Variants in TBC1D19 observed in about 807,000 individuals in gnomAD.
TBC1D19 encodes the protein TBC1 domain family member 19.
A neutral mutation model predicts 89.0 loss-of-function variants in TBC1D19; 60 were observed. The ratio of observed to expected loss-of-function variants is 0.67; its 90% confidence interval spans 0.55 to 0.84. The LOEUF is 0.84. Among genes scored for constraint, TBC1D19 ranks in the 40% least tolerant of loss-of-function variants. The pLI is 0.00. For synonymous variants in TBC1D19, 189 were observed against 199.7 expected, an observed-to-expected ratio of 0.95 and a Z score of 0.45; for missense variants, 500 against 610.8, an observed-to-expected ratio of 0.82 and a Z score of 1.91.
In TBC1D19 at chr4:26,659,252, A is replaced by T. The variant is rs546078562; in HGVS notation, c.481-345A>T. On this transcript the variant is annotated intron_variant, in intron 7 of 20. Coordinates refer to ENST00000264866, the MANE Select transcript of TBC1D19 (RefSeq NM_018317.4). Reference sequence around the variant, plus strand: ...CTGATAAATATTACAATCAAGCAAGATTTTTTTCTTATCACCTTCTCTGGT... The same window carrying T: ...CTGATAAATATTACAATCAAGCAAGTTTTTTTTCTTATCACCTTCTCTGGT... 2.0e-5 allele frequency among the ~76,000 whole-genome samples: 3 copies of T among 152,152 alleles called. No individual in the cohort carries two copies. In the South Asian group the frequency reaches 6.2e-4, roughly 32 times the overall value.
chr4:26,833,953 A>T, the TBC1D19 span, among the ~76,000 whole-genome samples: 22 of 152,326 alleles, frequency 1.4e-4, no homozygotes, highest in East Asian at 3.7e-3. Flanking sequence ...CTCATGTCAA[A>T]TGGAAATCCC....
At chr4:26,846,868 A>C in the TBC1D19 span, among the ~76,000 whole-genome samples, 58,114 of 151,776 alleles carry the variant, frequency 0.38, 11,763 homozygotes, top group African/African-American at 0.52. Context: ...CTTTTTGCTC[A>C]CTCTCTCCTG....
chr4:26,804,018 A>C, the TBC1D19 span, among the ~76,000 whole-genome samples: 1 of 151,930 alleles, frequency 6.6e-6, no homozygotes, highest in Non-Finnish European at 1.5e-5. Flanking sequence ...CCTCACTCAG[A>C]CAATTTGTCT....
chr4:26,702,846 T>C (rs1001970560), intron 13 of TBC1D19, among the ~76,000 whole-genome samples: 9 of 152,192 alleles, frequency 5.9e-5, no homozygotes, highest in Admixed American at 1.3e-4. Context: ...ATTATACCAA[T>C]TGAATAGCAG....
chr4:26,741,172 A>C (rs1237056306), intron 17 of TBC1D19, among the ~76,000 whole-genome samples: 4 of 151,816 alleles, frequency 2.6e-5, no homozygotes, highest in Non-Finnish European at 5.9e-5. Context: ...CTGGCTAACA[A>C]GGTGAAACCC....
the TBC1D19 span, among the ~76,000 whole-genome samples, chr4:26,771,287 C>T: frequency 2.6e-5 from 4 of 151,978 alleles, no homozygotes; most frequent in Admixed American, 2.6e-4. Context: ...ATGGAGGTTC[C>T]TCAAAAAGTT....
the TBC1D19 span, among the ~76,000 whole-genome samples, chr4:26,828,497 G>A: frequency 6.6e-6 from 1 of 152,224 alleles, no homozygotes; most frequent in African/African-American, 2.4e-5. Context: ...GGACTAGCCT[G>A]TGCTTGAATG....
chr4:26,791,675 T>G, the TBC1D19 span, among the ~76,000 whole-genome samples: 1 of 152,226 alleles, frequency 6.6e-6, no homozygotes, highest in Non-Finnish European at 1.5e-5. Context: ...ATTTTCTGAC[T>G]GATTGTAGGG....
chr4:26,826,268 A>G, the TBC1D19 span, among the ~76,000 whole-genome samples: 11 of 152,284 alleles, frequency 7.2e-5, no homozygotes, highest in African/African-American at 2.6e-4. Flanking sequence ...TTTAATTCCC[A>G]CTGCACATAG....
At chr4:26,760,383 TA>T (rs1416914743), downstream of TBC1D19, among the ~76,000 whole-genome samples, 1 of 152,012 alleles carries the variant, frequency 6.6e-6, no homozygotes, top group Non-Finnish European at 1.5e-5. Flanking sequence ...GGCAACATGG[TA>T]AAACCACATC....
intron 13 of TBC1D19, among the ~76,000 whole-genome samples, chr4:26,703,072 T>C (rs1715458794): frequency 6.6e-6 from 1 of 152,212 alleles, no homozygotes; most frequent in South Asian, 2.1e-4. Flanking sequence ...GTATTGTATA[T>C]ACTACATTTT....
intron 13 of TBC1D19, among the ~76,000 whole-genome samples, chr4:26,691,149 G>A (rs999933432): frequency 2.6e-5 from 4 of 152,200 alleles, no homozygotes; most frequent in Admixed American, 1.3e-4. Context: ...GGAATTAGAA[G>A]TAGAGCCTCA....
At chr4:26,847,546 A>C in the TBC1D19 span, among the ~76,000 whole-genome samples, 1 of 152,250 alleles carries the variant, frequency 6.6e-6, no homozygotes, top group African/African-American at 2.4e-5. Context: ...TGGCTCCAGC[A>C]GACTGAACGG....
downstream of TBC1D19, among the ~76,000 whole-genome samples, chr4:26,759,546 A>G (rs1197673999): frequency 6.6e-6 from 1 of 152,174 alleles, no homozygotes; most frequent in African/African-American, 2.4e-5. Flanking sequence ...GTATATACCC[A>G]TGTCACCACC....
At chr4:26,652,558 T>C (rs1744473533) in intron 7 of TBC1D19, among the ~76,000 whole-genome samples, 1 of 152,206 alleles carries the variant, frequency 6.6e-6, no homozygotes, top group African/African-American at 2.4e-5. Flanking sequence ...GTTATTGGTC[T>C]ATTCAGAGAT....
At chr4:26,625,904 C>T (rs1414301606) in intron 4 of TBC1D19, among the ~76,000 whole-genome samples, 1 of 151,996 alleles carries the variant, frequency 6.6e-6, no homozygotes, top group Non-Finnish European at 1.5e-5. Flanking sequence ...TATTTGTGAG[C>T]CTTCTCCACT....
the TBC1D19 span, among the ~76,000 whole-genome samples, chr4:26,845,701 A>G: frequency 6.6e-6 from 1 of 152,222 alleles, no homozygotes; most frequent in African/African-American, 2.4e-5. Flanking sequence ...ACAGTCCCCC[A>G]TGGCTGGGGA....
chr4:26,828,188 A>C, the TBC1D19 span, among the ~76,000 whole-genome samples: 1 of 152,186 alleles, frequency 6.6e-6, no homozygotes, highest in Non-Finnish European at 1.5e-5. Context: ...TTTGAACACA[A>C]GGGATGCCCA....
chr4:26,583,533 G>C (rs542247714), upstream of TBC1D19, among the ~76,000 whole-genome samples: 1 of 152,162 alleles, frequency 6.6e-6, no homozygotes, highest in Non-Finnish European at 1.5e-5. Context: ...TGGTTAATTT[G>C]TAGTTGTTAG....
Sources: gnomAD v4.1 joint callset for allele counts (sites outside exome capture counted in the v4.1 genomes callset) on GRCh38, gnomAD v4.1.1 for gene constraint, MANE v1.5 for transcripts, NCBI Gene and HGNC (gene_info 2026-07-23, HGNC 2026-07-21) for gene names.